The following IFI27 variants were observed in gnomAD, a reference collection of about 807,000 sequenced individuals.
IFI27 encodes interferon alpha-inducible protein 27, mitochondrial.
IFI27 carries 3 observed loss-of-function variants against 8.9 expected under a neutral mutation model. The observed-to-expected ratio is 0.34, with a 90% confidence interval of 0.15 to 0.87. IFI27 has a LOEUF of 0.87. Among genes scored for constraint, IFI27 ranks in the 40% least tolerant of loss-of-function variants. IFI27 has a pLI of 0.51. For synonymous variants in IFI27, 66 were observed against 67.3 expected (o/e 0.98, Z 0.09); for missense variants, 152 against 157.7 (o/e 0.96, Z 0.19).
chr14:94,115,306 C>T (rs771284890), intron 3 of IFI27: 13 of 525,182 alleles, frequency 2.5e-5, no homozygotes, highest in African/African-American at 1.1e-4. Flanking sequence ...GGCTCAGCTC[C>T]CTTTGGTTTA....
chr14:94,106,435 CA>C (rs1322168632), upstream of IFI27, among the ~76,000 whole-genome samples: 1 of 152,238 alleles, frequency 6.6e-6, no homozygotes, highest in African/African-American at 2.4e-5. Flanking sequence ...ATCCCACCAA[CA>C]GTGTGCAATG....
At chr14:94,112,692 C>T (rs1161133410) in intron 2 of IFI27, among the ~76,000 whole-genome samples, 3 of 152,242 alleles carry the variant, frequency 2.0e-5, no homozygotes, top group African/African-American at 7.2e-5. Flanking sequence ...CTTTGCTGAC[C>T]CTGTCATCCT....
chr14:94,114,965 G>C, intron 3 of IFI27, 85 bp downstream of exon 3: 1 of 1,280,664 alleles, frequency 7.8e-7, no homozygotes. Flanking sequence ...CCATGCCAAT[G>C]TTTCCCTCAC....
Position 94,116,175 on chromosome 14 carries a change from G to A in IFI27, c.283+233G>A. On this transcript the variant is annotated intron_variant, in intron 4 of 4. Transcript: ENST00000621160. This position sits in a 1 kb window ranked among gnomAD's most constrained non-coding sequence, Gnocchi z 4.3. ...AAGCAGATTTGCTGGGTTACCTGGGGCGTCTCCTCCCCTCTGGGGTGCAGC... is the reference window on the plus strand; with the variant it reads ...AAGCAGATTTGCTGGGTTACCTGGGACGTCTCCTCCCCTCTGGGGTGCAGC... The A allele has an allele frequency of 1.4e-6, 1 of 713,712 alleles. No homozygotes were observed. Among genetic ancestry groups the A allele is most frequent in the East Asian group, 2.7e-5 (1 of 37,220 alleles). 44.2% of individuals were successfully genotyped at this position (713,712 alleles called of 1,614,324 possible).
upstream of IFI27, among the ~76,000 whole-genome samples, chr14:94,109,152 G>A (rs560720242): frequency 9.2e-5 from 14 of 151,936 alleles, no homozygotes; most frequent in South Asian, 1.9e-3. Flanking sequence ...AAAATTAGCC[G>A]GGCATGGTGG....
chr14:94,106,073 T>C (rs1329016258), upstream of IFI27, among the ~76,000 whole-genome samples: 3 of 152,212 alleles, frequency 2.0e-5, no homozygotes, highest in Non-Finnish European at 4.4e-5. Flanking sequence ...CCCCTTGGTG[T>C]CTGGTCAGGG....
chr14:94,110,559 C>A (rs1887139278), upstream of IFI27: 1 of 152,162 alleles, frequency 6.6e-6, no homozygotes, highest in South Asian at 2.1e-4. Flanking sequence ...ATGCCATGGG[C>A]AAATCCTATT....
In IFI27 at chr14:94,111,802, G is replaced by C; in HGVS notation, c.91+29G>C. 1.9e-6 allele frequency: 3 copies of C among 1,570,548 alleles called. No homozygotes were observed. The highest frequency in any genetic ancestry group is 2.6e-6 in the Non-Finnish European group (3 of 1,140,442). The stretch of plus-strand genomic sequence containing the variant: ...AGTGTTCCTGGGAGGGGCTGGTGCT[G>C]GGGGCGAGGAGGCGGCTGGGAAGGG... On this transcript the variant is annotated intron_variant, in intron 2 of 4. Transcript: ENST00000621160. This position sits in a 1 kb window ranked among gnomAD's most constrained non-coding sequence, Gnocchi z 4.3.
intron 1 of IFI27, 123 bp downstream of exon 1, chr14:94,110,920 C>T (rs2139287071): frequency 6.5e-6 from 1 of 154,466 alleles, no homozygotes; most frequent in Middle Eastern, 5.2e-4. Flanking sequence ...TTTTTGTTCT[C>T]ATCAGGGAGC....
chr14:94,115,208 G>C, intron 3 of IFI27: 1 of 634,204 alleles, frequency 1.6e-6, no homozygotes. Context: ...CAGAGAAAAG[G>C]CTGGTAATGC....
At position 94,115,955 on chromosome 14, in the gene IFI27, G is replaced by T; in HGVS notation, c.283+13G>T. On this transcript the variant is annotated intron_variant, in intron 4 of 4. Transcript: ENST00000621160. ...CTGCAGTCACTGGGTAAGTATCCTG[G>T]CGGGGCTTGCTGGGGAGGGCGATGA... 1 of 1,562,726 alleles carries T rather than the reference G, an allele frequency of 6.4e-7. No individual in the cohort carries two copies. Among genetic ancestry groups the T allele is most frequent in the South Asian group, 1.2e-5 (1 of 85,218 alleles).
Position 94,111,843 on chromosome 14 carries a change from G to C in IFI27, c.91+70G>C. ...CTGGGAAGGGCGGGGGTCCTGTCCCGGGACCCGTGGGAGAGAAAATGGGGG... is the reference window on the plus strand; with the variant it reads ...CTGGGAAGGGCGGGGGTCCTGTCCCCGGACCCGTGGGAGAGAAAATGGGGG... On this transcript the variant is annotated intron_variant, in intron 2 of 4. Coordinates refer to ENST00000621160, the Ensembl canonical transcript of IFI27. This position sits in a 1 kb window ranked among gnomAD's most constrained non-coding sequence, Gnocchi z 4.3. The C allele has an allele frequency of 8.8e-7, 1 of 1,135,758 alleles. No individual in the cohort carries two copies. The highest frequency in any genetic ancestry group is 1.2e-5 in the South Asian group (1 of 81,190). The allele number at this position is 1,135,758 out of a possible 1,614,324, so 70.4% of individuals were successfully genotyped here.
intron 3 of IFI27, among the ~76,000 whole-genome samples, 182 bp downstream of exon 3, chr14:94,115,062 G>C (rs906934549): frequency 6.6e-6 from 1 of 152,246 alleles, no homozygotes; most frequent in East Asian, 1.9e-4. Flanking sequence ...GGAAGCAGGG[G>C]GCTTGGAGAC....
At chr14:94,109,234 G>A (rs1003890959), upstream of IFI27, among the ~76,000 whole-genome samples, 1 of 151,800 alleles carries the variant, frequency 6.6e-6, no homozygotes, top group East Asian at 1.9e-4. Context: ...ACCGGGAGGT[G>A]GAGGTTGCAG....
At position 94,116,545 on chromosome 14, in the gene IFI27, T is replaced by C; in HGVS notation, c.*18T>C. On this transcript the variant is annotated 3_prime_UTR_variant, in exon 5 of 5. Transcript: ENST00000621160. This position sits in a 1 kb window ranked among gnomAD's most constrained non-coding sequence, Gnocchi z 4.3. ...TCTACTAGCTCCCTGCCCCTCGCCC[T>C]GCAGAGAAGAGAACCATGCCAGGGG... is the stretch of plus-strand genomic sequence containing the variant. The C allele has an allele frequency of 6.3e-7, 1 of 1,597,850 alleles. No individual in the cohort carries two copies. The highest frequency in any genetic ancestry group is 8.6e-7 in the Non-Finnish European group (1 of 1,169,150).
chr14:94,115,705 T>G, intron 3 of IFI27, 76 bp from the exon 4 acceptor site: 1 of 1,445,120 alleles, frequency 6.9e-7, no homozygotes, highest in Non-Finnish European at 9.3e-7. Context: ...TCCCCTGGGG[T>G]CCCCAAGCCT....
Position 94,116,315 on chromosome 14 carries a change from G to C in IFI27, c.284-127G>C, listed in dbSNP as rs1887408941. On this transcript the variant is annotated intron_variant, in intron 4 of 4. Transcript: ENST00000621160. The surrounding 1 kb of genome is among the most constrained non-coding windows in gnomAD (Gnocchi z 4.3). ...CGAGGGTACTGGGAAACAGAGAGGGGAACTGGGTGGGGTCTGTAAGCCTCA... is the reference window on the plus strand; with the variant it reads ...CGAGGGTACTGGGAAACAGAGAGGGCAACTGGGTGGGGTCTGTAAGCCTCA... 4.3e-6 allele frequency: 3 copies of C among 695,282 alleles called. No homozygotes were observed. The South Asian group carries it at 4.9e-5, about 11-fold the overall frequency. The allele number at this position is 695,282 out of a possible 1,614,324, so 43.1% of individuals were successfully genotyped here. A position where few individuals can be genotyped will look rare whatever the true frequency, so the allele number is the denominator to read the frequency against.
At chr14:94,114,986 A>T in intron 3 of IFI27, 106 bp downstream of exon 3, 3 of 1,018,304 alleles carry the variant, frequency 2.9e-6, no homozygotes, top group Non-Finnish European at 3.1e-6. Flanking sequence ...ATGGGTGGTC[A>T]GGGGAGGAGG....
chr14:94,114,031 G>C (rs1435793355), intron 2 of IFI27: 1 of 152,324 alleles, frequency 6.6e-6, no homozygotes, highest in African/African-American at 2.4e-5. Flanking sequence ...AGCAAATCAT[G>C]TATATCCAGT....
Sources: allele counts gnomAD v4.1 joint callset (sites outside exome capture counted in the v4.1 genomes callset), GRCh38; gene constraint gnomAD v4.1.1; non-coding constraint Gnocchi (gnomAD v3.1); transcripts MANE v1.5; gene names NCBI Gene and HGNC (gene_info 2026-07-23, HGNC 2026-07-21).